The following TTLL5 variants were observed in gnomAD, a reference collection of about 807,000 sequenced individuals.
TTLL5 encodes the protein tubulin polyglutamylase TTLL5.
A neutral mutation model predicts 168.4 loss-of-function variants in TTLL5; 132 were observed. The ratio of observed to expected loss-of-function variants is 0.78; its 90% CI spans 0.68 to 0.91. The LOEUF (loss-of-function observed/expected upper bound fraction) is 0.91. TTLL5 is among the 40% of genes least tolerant of loss of function. The pLI is 0.00. For synonymous variants in TTLL5, 546 were observed against 558.6 expected (o/e 0.98, Z 0.32); for missense variants, 1,545 against 1,581.5 (o/e 0.98, Z 0.39).
intron 6 of TTLL5, among the ~76,000 whole-genome samples, chr14:75,698,934 C>T (rs1045044644): frequency 6.6e-6 from 1 of 151,498 alleles, no homozygotes; most frequent in Non-Finnish European, 1.5e-5. Flanking sequence ...AGGAAAGAGG[C>T]GAAATGGTGG....
At chr14:75,902,114 G>A (rs2032948009) in intron 30 of TTLL5, 28 bp from the exon 31 acceptor site, 1 of 1,612,852 alleles carries the variant, frequency 6.2e-7, no homozygotes, top group Non-Finnish European at 8.5e-7. Flanking sequence ...TCCGCCTGCA[G>A]GTCTGACCAA....
chr14:75,849,428 A>T (rs964656511), intron 28 of TTLL5, among the ~76,000 whole-genome samples: 1 of 152,218 alleles, frequency 6.6e-6, no homozygotes, highest in Non-Finnish European at 1.5e-5. Context: ...TGCTTGTGAT[A>T]GTGATTCAGT....
At chr14:75,727,726 C>G (rs1888268899) in intron 12 of TTLL5, 1 of 383,608 alleles carries the variant, frequency 2.6e-6, no homozygotes, top group Non-Finnish European at 5.3e-6. Context: ...ATGGATGAAC[C>G]TCAGAAACAT....
chr14:75,857,634 A>C (rs1897199374), intron 28 of TTLL5, among the ~76,000 whole-genome samples: 1 of 148,720 alleles, frequency 6.7e-6, no homozygotes, highest in African/African-American at 2.5e-5. Flanking sequence ...TTCTTGTTTG[A>C]TAGAATTCTT....
intron 28 of TTLL5, among the ~76,000 whole-genome samples, chr14:75,854,382 A>G (rs1409291505): frequency 6.6e-6 from 1 of 152,228 alleles, no homozygotes; most frequent in African/African-American, 2.4e-5. Context: ...ATTGAGCAAT[A>G]CTTCATTGTA....
At chr14:75,878,760 TAAAACATCAGTATCTAAGGTCCTACCATA>T (rs1268716079) in intron 29 of TTLL5, among the ~76,000 whole-genome samples, 1 of 152,208 alleles carries the variant, frequency 6.6e-6, no homozygotes, top group East Asian at 1.9e-4. Context: ...TAATCTTATA[TAAAACATCAGTATCTAAGGTCCTACCATA>T]AATTTTGCAT....
At chr14:75,678,486 G>T (rs1018424023) in intron 3 of TTLL5, among the ~76,000 whole-genome samples, 24 of 152,108 alleles carry the variant, frequency 1.6e-4, no homozygotes, top group Admixed American at 6.5e-5. Context: ...TTCTATAGTG[G>T]TTTTTTGTTT....
At chr14:75,838,650 G>A (rs903326188) in intron 28 of TTLL5, 2 of 152,384 alleles carry the variant, frequency 1.3e-5, no homozygotes, top group Non-Finnish European at 2.9e-5. Flanking sequence ...CCTGGCTAAG[G>A]TGTAGCAGTC....
rs113966047 is a variant in TTLL5 at position 75,688,029 on chromosome 14, T to C, written c.372-2163T>C. On this transcript the variant is annotated intron_variant, in intron 5 of 31. Transcript: ENST00000298832. ...TGGATAACTGTGATCTTGTGAAATATGTAGTTAGTCTTCCTCGTGTTTCCT... is the reference window on the plus strand; with the variant it reads ...TGGATAACTGTGATCTTGTGAAATACGTAGTTAGTCTTCCTCGTGTTTCCT... Among the ~76,000 whole-genome samples the C allele has an allele frequency of 5.4e-3, 817 of 152,258 alleles. 4 individuals are homozygous for C. Among genetic ancestry groups the C allele is most frequent in the East Asian group, 0.011 (57 of 5,168 alleles).
chr14:75,785,176 CTTTTTTTTTTT>C (rs903930146), intron 26 of TTLL5, among the ~76,000 whole-genome samples: 9 of 102,558 alleles, frequency 8.8e-5, no homozygotes, highest in African/African-American at 2.1e-4. Context: ...AGATTTCCTC[CTTTTTTTTTTT>C]TTTTTTTTTT....
At chr14:75,762,112 G>A (rs1890683777) in intron 18 of TTLL5, among the ~76,000 whole-genome samples, 2 of 151,966 alleles carry the variant, frequency 1.3e-5, no homozygotes, top group South Asian at 4.1e-4. Flanking sequence ...AAAAATGTTG[G>A]GGGCTGGGCG....
At position 75,719,751 on chromosome 14, in the gene TTLL5, G is replaced by A. The variant is rs761251852; in HGVS notation, c.859G>A (p.Val287Met). 3.1e-6 allele frequency: 5 copies of A among 1,611,618 alleles called. No individual in the cohort carries two copies. The Admixed American group carries it at 6.7e-5, about 22-fold the overall frequency. The change falls in exon 11 of 32, where the codon GTG (valine) becomes ATG (methionine). Residue 287 changes from valine (V) to methionine (M), a missense_variant. Physicochemically the swap from Val to Met is conservative, Grantham distance 21. Transcript: ENST00000298832. The stretch of plus-strand genomic sequence containing the variant: ...TTGTTTTAGTTGTGACGATCCAGAA[G>A]TGGAGGATTATGGAAACAAATGGAG... ...GDYVSCDDPE[V>M]EDYGNKWSMS...
intron 6 of TTLL5, among the ~76,000 whole-genome samples, chr14:75,691,156 A>AAT (rs1257538762): frequency 3.9e-5 from 6 of 152,318 alleles, no homozygotes; most frequent in African/African-American, 1.4e-4. Context: ...GTAGGAGCCA[A>AAT]ATAGGCACCT....
At chr14:75,677,676 G>A (rs1219194240) in intron 3 of TTLL5, among the ~76,000 whole-genome samples, 2 of 151,646 alleles carry the variant, frequency 1.3e-5, no homozygotes, top group Non-Finnish European at 2.9e-5. Flanking sequence ...GGAGTGCAAT[G>A]GTGTGATCAT....
chr14:75,672,616 G>A (rs917486241), intron 3 of TTLL5, among the ~76,000 whole-genome samples: 4 of 152,160 alleles, frequency 2.6e-5, no homozygotes, highest in Non-Finnish European at 5.9e-5. Flanking sequence ...TTCTTCTGAT[G>A]CCTTTGTCTG....
At chr14:75,725,972 A>T (rs768715244) in intron 12 of TTLL5, among the ~76,000 whole-genome samples, 1 of 152,162 alleles carries the variant, frequency 6.6e-6, no homozygotes, top group African/African-American at 2.4e-5. Context: ...AGCTTTTTCA[A>T]TTTGAATCCA....
intron 27 of TTLL5, among the ~76,000 whole-genome samples, chr14:75,793,305 GTA>G (rs565116652): frequency 2.8e-4 from 42 of 152,270 alleles, no homozygotes; most frequent in African/African-American, 9.4e-4. Flanking sequence ...GCATTGTGAA[GTA>G]AGTCTGCTAC....
chr14:75,851,960 A>C (rs1012249417), intron 28 of TTLL5, among the ~76,000 whole-genome samples: 1 of 152,228 alleles, frequency 6.6e-6, no homozygotes, highest in African/African-American at 2.4e-5. Flanking sequence ...AATAATAGCT[A>C]ATGTTTACTG....
intron 27 of TTLL5, among the ~76,000 whole-genome samples, chr14:75,806,129 C>T (rs1434295928): frequency 6.6e-6 from 1 of 151,490 alleles, no homozygotes; most frequent in East Asian, 1.9e-4. Flanking sequence ...CTCCCAGGTT[C>T]AAGTGATTCT....
Sources: gnomAD v4.1 joint callset for allele counts (sites outside exome capture counted in the v4.1 genomes callset) on GRCh38, gnomAD v4.1.1 for gene constraint, MANE v1.5 for transcripts, NCBI Gene and HGNC (gene_info 2026-07-23, HGNC 2026-07-21) for gene names.